SH3D21: variants seen among roughly 807,000 people sequenced by gnomAD.
The protein encoded by SH3D21 is manchette microtubule inner protein 1.
A neutral mutation model predicts 82.1 loss-of-function variants in SH3D21; 83 were observed. The observed-to-expected ratio is 1.01, with a 90% confidence interval of 0.85 to 1.21. SH3D21 has a LOEUF of 1.21. SH3D21 is among the 50% of genes most tolerant of loss of function. SH3D21 has a pLI of 0.00. For missense variants in SH3D21, 980 were observed against 962.1 expected (o/e 1.02, Z -0.25); for synonymous variants, 383 against 387.8 (o/e 0.99, Z 0.15).
chr1:36,313,965 A>ATTTTTTTTTTTTT (rs1310971892), intron 10 of SH3D21, among the ~76,000 whole-genome samples: 2 of 56,272 alleles, frequency 3.6e-5, no homozygotes, highest in Admixed American at 2.8e-4. Flanking sequence ...GATGCTGAAC[A>ATTTTTTTTTTTTT]TATTTTCTTT....
At position 36,306,449 on chromosome 1, in the gene SH3D21, C is replaced by T. The variant is rs926100864; in HGVS notation, c.4+25C>T. 1 of 1,305,380 alleles carries T rather than the reference C, an allele frequency of 7.7e-7. No individual in the cohort carries two copies. Among genetic ancestry groups the T allele is most frequent in the East Asian group, 5.6e-5 (1 of 18,018 alleles). The allele number at this position is 1,305,380 out of a possible 1,614,324, so 80.9% of individuals were successfully genotyped here. A position where few individuals can be genotyped will look rare whatever the true frequency, so the allele number is the denominator to read the frequency against. ...GGTAAGTGCGGAGGCTTTGAGGTGG[C>T]CTCTCTCTGCAACCGTGGACATAGC... On this transcript the variant is annotated intron_variant, in intron 1 of 15. Transcript: ENST00000453908. The surrounding 1 kb of genome is among the most constrained non-coding windows in gnomAD (Gnocchi z 4.5).
Position 36,320,810 on chromosome 1 carries a change from G to A in SH3D21, c.2135+12G>A. 6.4e-7 allele frequency: 1 copy of A among 1,554,768 alleles called. No homozygotes were observed. Among genetic ancestry groups the A allele is most frequent in the Non-Finnish European group, 8.7e-7 (1 of 1,148,590 alleles). On this transcript the variant is annotated intron_variant, in intron 14 of 15. Coordinates refer to ENST00000453908, the MANE Select transcript of SH3D21 (RefSeq NM_001162530.2). The stretch of plus-strand genomic sequence containing the variant: ...GAGGTGCAGCTGGAGTGAGTGGGCA[G>A]TGGCGGGGGTTGTGGAAGGTAGGGT...
intron 11 of SH3D21, 42 bp from the exon 12 acceptor site, chr1:36,319,218 C>T (rs1300933817): frequency 7.7e-6 from 12 of 1,551,272 alleles, no homozygotes; most frequent in Non-Finnish European, 1.0e-5. Context: ...CAACGCCCCT[C>T]CCTGTGCCCC....
downstream of SH3D21, chr1:36,327,597 A>G (rs1646557892): frequency 9.2e-7 from 1 of 1,086,052 alleles, no homozygotes; most frequent in African/African-American, 1.7e-5. Flanking sequence ...GGTATGTGAC[A>G]TATGTGTTTG....
downstream of SH3D21, chr1:36,322,962 C>T: frequency 6.2e-7 from 1 of 1,606,130 alleles, no homozygotes; most frequent in Non-Finnish European, 8.5e-7. Context: ...TTCCGGCGCC[C>T]GCCCTCACCG....
chr1:36,315,536 A>C (rs1646327675), intron 10 of SH3D21, among the ~76,000 whole-genome samples: 1 of 151,840 alleles, frequency 6.6e-6, no homozygotes, highest in Non-Finnish European at 1.5e-5. Context: ...TTTTGTAGAG[A>C]GGGGGTTTCA....
At chr1:36,319,396 C>CT in intron 12 of SH3D21, 46 bp from the exon 13 acceptor site, 2 of 1,550,770 alleles carry the variant, frequency 1.3e-6, no homozygotes, top group East Asian at 2.4e-5. Context: ...TGGGAAGAGA[C>CT]TGAGGGTCAG....
rs1360916534 is a variant in SH3D21 at position 36,320,486 on chromosome 1, A to C, written c.1823A>C (p.Glu608Ala). Residue 608 changes from glutamate to alanine, a missense_variant, in exon 14 of 16, where the codon GAG becomes GCG. Coordinates refer to ENST00000453908, the MANE Select transcript of SH3D21 (RefSeq NM_001162530.2). Reference protein sequence around the residue: ...RTPEEEAPPNEQRPLREEVLP... With the variant: ...RTPEEEAPPNAQRPLREEVLP... ...CCTGAAGAGGAGGCGCCCCCCAACG[A>C]GCAGAGGCCTCTGAGAGAGGAGGTG... 6.2e-7 allele frequency: 1 copy of C among 1,613,974 alleles called. No homozygotes were observed. The highest frequency in any genetic ancestry group is 1.7e-5 in the Admixed American group (1 of 60,004).
chr1:36,321,379 C>T, downstream of SH3D21: 1 of 906,910 alleles, frequency 1.1e-6, no homozygotes. The surrounding 1 kb of genome is among the most constrained non-coding windows in gnomAD (Gnocchi z 6.1). Flanking sequence ...TTTTATCCAC[C>T]GGATGGTGAG....
chr1:36,329,827 G>A (rs1181029683), downstream of SH3D21, among the ~76,000 whole-genome samples: 1 of 152,166 alleles, frequency 6.6e-6, no homozygotes, highest in Non-Finnish European at 1.5e-5. Context: ...ATACCTGGGA[G>A]AAGAGCCTTC....
chr1:36,329,202 G>T (rs527614346), downstream of SH3D21: 2 of 152,286 alleles, frequency 1.3e-5, no homozygotes, highest in African/African-American at 4.8e-5. Context: ...TAATATATAA[G>T]AAATAAAAGG....
In SH3D21 at chr1:36,307,110, C is replaced by G. The variant is rs893047184; in HGVS notation, c.227-57C>G. 2.6e-6 allele frequency: 4 copies of G among 1,546,610 alleles called. No individual in the cohort carries two copies. The highest frequency in any genetic ancestry group is 4.9e-5 in the East Asian group (2 of 40,830). On this transcript the variant is annotated intron_variant, in intron 3 of 15. Coordinates refer to ENST00000453908, the MANE Select transcript of SH3D21 (RefSeq NM_001162530.2). This position sits in a 1 kb window ranked among gnomAD's most constrained non-coding sequence, Gnocchi z 5.4. ...GCTACGTGCGCGCCTTGCGCTTCCCCCAGCTCCTCTGACTGGGGCGTCCGA... is the reference window on the plus strand; with the variant it reads ...GCTACGTGCGCGCCTTGCGCTTCCCGCAGCTCCTCTGACTGGGGCGTCCGA...
At chr1:36,308,501 G>A (rs1369519263) in intron 9 of SH3D21, 26 bp downstream of exon 9, 2 of 1,545,262 alleles carry the variant, frequency 1.3e-6, no homozygotes, top group African/African-American at 2.7e-5. Flanking sequence ...AGACACTCAG[G>A]TGGCAGGGGC....
In SH3D21 at chr1:36,308,321, G is replaced by A. The variant is rs1646172201; in HGVS notation, c.640-68G>A. 1.3e-5 allele frequency: 20 copies of A among 1,498,284 alleles called. No individual in the cohort carries two copies. In the South Asian group the frequency reaches 2.2e-4, roughly 16 times the overall value. The allele number at this position is 1,498,284 out of a possible 1,614,324, so 92.8% of individuals were successfully genotyped here. A position where few individuals can be genotyped will look rare whatever the true frequency, so the allele number is the denominator to read the frequency against. ...AACGTTGAAATTATATCCATAAGAA[G>A]GAGTGGGACCCCGGAAAGGACCTTG... On this transcript the variant is annotated intron_variant, in intron 8 of 15. Transcript: ENST00000453908.
downstream of SH3D21, chr1:36,327,648 A>T: frequency 8.4e-7 from 1 of 1,190,664 alleles, no homozygotes; most frequent in East Asian, 5.8e-5. Flanking sequence ...GAGCAGGATG[A>T]GGGTTGAGAT....
downstream of SH3D21, chr1:36,327,736 A>C (rs1646559573): frequency 8.1e-7 from 1 of 1,229,654 alleles, no homozygotes; most frequent in Non-Finnish European, 1.0e-6. Context: ...GCCGTGGCCA[A>C]GCCAGGCCAG....
downstream of SH3D21, among the ~76,000 whole-genome samples, chr1:36,326,162 A>G (rs1646542264): frequency 6.6e-6 from 1 of 151,936 alleles, no homozygotes; most frequent in Admixed American, 6.6e-5. Flanking sequence ...GTGTGGGTGC[A>G]GGGGAGAGTG....
At chr1:36,328,634 C>T (rs369940036), downstream of SH3D21, 8 of 182,040 alleles carry the variant, frequency 4.4e-5, no homozygotes, top group East Asian at 2.6e-4. Flanking sequence ...TAGCTGGACA[C>T]GGTAGCACAC....
At position 36,307,014 on chromosome 1, in the gene SH3D21, GC is replaced by G. The variant is rs1386221021; in HGVS notation, c.226+111del. The G allele has an allele frequency of 6.3e-6, 9 of 1,417,900 alleles. No individual in the cohort carries two copies. The highest frequency in any genetic ancestry group is 8.3e-6 in the Non-Finnish European group (9 of 1,080,046). The allele number at this position is 1,417,900 out of a possible 1,614,324, so 87.8% of individuals were successfully genotyped here. A position where few individuals can be genotyped will look rare whatever the true frequency, so the allele number is the denominator to read the frequency against. On this transcript the variant is annotated intron_variant, in intron 3 of 15. Transcript: ENST00000453908. This position sits in a 1 kb window ranked among gnomAD's most constrained non-coding sequence, Gnocchi z 5.4. ...GCGCGGCTCTGGGCGGGACCTCGGG[GC>G]CGCCCTGCGGTCTGTGATTGGTTCT...
Sources: gnomAD v4.1 joint callset for allele counts (sites outside exome capture counted in the v4.1 genomes callset) on GRCh38, gnomAD v4.1.1 for gene constraint, Gnocchi (gnomAD v3.1) non-coding constraint, MANE v1.5 for transcripts, NCBI Gene and HGNC (gene_info 2026-07-23, HGNC 2026-07-21) for gene names.